The following EBF1 variants were observed in gnomAD, a reference collection of about 807,000 sequenced individuals.
EBF1 encodes the protein EBF transcription factor 1.
Under a neutral mutation model 68.4 loss-of-function variants are expected in EBF1, and 10 were observed. The ratio of observed to expected loss-of-function variants is 0.15; its 90% confidence interval spans 0.09 to 0.25. The LOEUF is 0.25. EBF1 is among the 10% of genes least tolerant of loss of function. The pLI is 1.00. For synonymous variants in EBF1, 298 were observed against 299.8 expected, an observed-to-expected ratio of 0.99 and a Z score of 0.06; for missense variants, 509 against 794.4, an observed-to-expected ratio of 0.64 and a Z score of 4.32.
chr5:159,029,390 A>T (rs965100049), intron 6 of EBF1, among the ~76,000 whole-genome samples: 2 of 152,172 alleles, frequency 1.3e-5, no homozygotes, highest in African/African-American at 4.8e-5. Flanking sequence ...TGTCTGAAGG[A>T]GTAATTCTTC....
intron 8 of EBF1, 72 bp from the exon 9 acceptor site, chr5:158,796,547 G>T: frequency 6.9e-7 from 1 of 1,444,720 alleles, no homozygotes; most frequent in Non-Finnish European, 9.2e-7. Flanking sequence ...GAAGACTTGA[G>T]AAAAAGGAAA....
chr5:159,059,366 A>G (rs867062350), intron 6 of EBF1, among the ~76,000 whole-genome samples: 2 of 152,156 alleles, frequency 1.3e-5, no homozygotes, highest in African/African-American at 2.4e-5. Flanking sequence ...ATTTGATGAA[A>G]AAAAAAAAAC....
At chr5:158,729,002 A>G (rs1490708827) in intron 11 of EBF1, among the ~76,000 whole-genome samples, 1 of 152,220 alleles carries the variant, frequency 6.6e-6, no homozygotes, top group South Asian at 2.1e-4. Context: ...TGAGGCACAG[A>G]GGAGAAATCA....
At chr5:159,010,790 A>G (rs1473575272) in intron 6 of EBF1, among the ~76,000 whole-genome samples, 2 of 152,368 alleles carry the variant, frequency 1.3e-5, no homozygotes, top group African/African-American at 2.4e-5. Context: ...AAGAGCCTCC[A>G]TGAGCCCCGT....
At chr5:158,774,933 A>G (rs1039955693) in intron 10 of EBF1, among the ~76,000 whole-genome samples, 3 of 151,010 alleles carry the variant, frequency 2.0e-5, no homozygotes, top group Non-Finnish European at 4.4e-5. Flanking sequence ...ATTTCTTCAG[A>G]TTTTTATTTT....
At chr5:158,939,110 G>A (rs918622508) in intron 6 of EBF1, among the ~76,000 whole-genome samples, 5 of 152,196 alleles carry the variant, frequency 3.3e-5, no homozygotes, top group African/African-American at 9.7e-5. Context: ...TAAATCAAGA[G>A]GAGCAGCACA....
intron 6 of EBF1, among the ~76,000 whole-genome samples, chr5:158,950,697 A>G (rs1583415782): frequency 6.6e-6 from 1 of 152,232 alleles, no homozygotes; most frequent in East Asian, 1.9e-4. Flanking sequence ...GCTATAAATG[A>G]GTGGCGGGAA....
At chr5:158,792,160 AT>A (rs965209289) in intron 9 of EBF1, among the ~76,000 whole-genome samples, 5 of 152,192 alleles carry the variant, frequency 3.3e-5, no homozygotes, top group Non-Finnish European at 5.9e-5. Context: ...TACTAAAACA[AT>A]TTTTTAAAAG....
At chr5:158,851,096 C>G (rs984305790) in intron 6 of EBF1, among the ~76,000 whole-genome samples, 2 of 151,848 alleles carry the variant, frequency 1.3e-5, no homozygotes, top group East Asian at 3.9e-4. Flanking sequence ...GAAAAAGGTT[C>G]CTAGCCAGAC....
chr5:158,878,884 T>G (rs1798305100), intron 6 of EBF1, among the ~76,000 whole-genome samples: 1 of 152,124 alleles, frequency 6.6e-6, no homozygotes, highest in Non-Finnish European at 1.5e-5. Flanking sequence ...CCTCAAGTGT[T>G]CCGCCTGCCT....
intron 11 of EBF1, among the ~76,000 whole-genome samples, chr5:158,719,609 A>C (rs1561731963): frequency 6.6e-6 from 1 of 152,112 alleles, no homozygotes; most frequent in Non-Finnish European, 1.5e-5. Flanking sequence ...AGGTTGTCTA[A>C]CTGGCCAATA....
At chr5:159,002,291 T>C (rs1762696030) in intron 6 of EBF1, among the ~76,000 whole-genome samples, 1 of 152,138 alleles carries the variant, frequency 6.6e-6, no homozygotes, top group African/African-American at 2.4e-5. Context: ...CTCTTTCCAC[T>C]GGCTGCCTTT....
At chr5:159,091,257 T>G (rs1781582295) in intron 4 of EBF1, among the ~76,000 whole-genome samples, 1 of 152,234 alleles carries the variant, frequency 6.6e-6, no homozygotes, top group African/African-American at 2.4e-5. Context: ...GGGGAAGTAC[T>G]AGGCCATCTG....
intron 7 of EBF1, among the ~76,000 whole-genome samples, chr5:158,836,984 T>A (rs1009465057): frequency 1.3e-5 from 2 of 152,296 alleles, no homozygotes; most frequent in Middle Eastern, 6.8e-3. Context: ...TGAAAGACAG[T>A]ATGGACTTTG....
At chr5:158,749,248 T>C (rs534608085) in intron 10 of EBF1, among the ~76,000 whole-genome samples, 1 of 152,304 alleles carries the variant, frequency 6.6e-6, no homozygotes, top group South Asian at 2.1e-4. Context: ...AAGTTCTTTC[T>C]GAATTTGGAA....
chr5:159,073,756 A>T (rs1247014258), intron 5 of EBF1: 2 of 394,398 alleles, frequency 5.1e-6, no homozygotes, highest in Non-Finnish European at 9.3e-6. Context: ...GTGCTGGCAG[A>T]GTTCACTGTG....
intron 6 of EBF1, among the ~76,000 whole-genome samples, chr5:158,901,962 G>A (rs1429506034): frequency 6.6e-6 from 1 of 152,142 alleles, no homozygotes; most frequent in Non-Finnish European, 1.5e-5. Context: ...TTGGTGGCAT[G>A]CACCTGTAGT....
At chr5:159,085,471 A>G (rs1780461556) in intron 4 of EBF1, among the ~76,000 whole-genome samples, 1 of 152,190 alleles carries the variant, frequency 6.6e-6, no homozygotes, top group Admixed American at 6.5e-5. Flanking sequence ...TATTTTTTGT[A>G]ATGTGTTTGT....
chr5:158,840,926 C>T (rs1790228060), intron 6 of EBF1, among the ~76,000 whole-genome samples: 1 of 151,882 alleles, frequency 6.6e-6, no homozygotes, highest in South Asian at 2.1e-4. Flanking sequence ...CCGCCTCGGC[C>T]TCCCAAAGTG....
Sources: allele counts gnomAD v4.1 joint callset (sites outside exome capture counted in the v4.1 genomes callset), GRCh38; gene constraint gnomAD v4.1.1; transcripts MANE v1.5; gene names NCBI Gene and HGNC (gene_info 2026-07-23, HGNC 2026-07-21).